MAP3K13: variants seen among roughly 807,000 people sequenced by gnomAD.
The protein encoded by MAP3K13 is mitogen-activated protein kinase kinase kinase 13.
A neutral mutation model predicts 104.0 loss-of-function variants in MAP3K13; 52 were observed. The observed-to-expected ratio is 0.50, with a 90% CI of 0.40 to 0.63. MAP3K13 has a LOEUF of 0.63. MAP3K13 is among the 20% of genes least tolerant of loss of function. The pLI, the probability that MAP3K13 is intolerant of heterozygous loss-of-function variation, is 0.00. For missense variants in MAP3K13, 914 were observed against 1,218.5 expected, an observed-to-expected ratio of 0.75 and a Z score of 3.72; for synonymous variants, 394 against 442.2, an observed-to-expected ratio of 0.89 and a Z score of 1.37.
intron 1 of MAP3K13, among the ~76,000 whole-genome samples, chr3:185,426,053 TCCTCTC>T (rs1029741032): frequency 8.0e-5 from 12 of 149,424 alleles, no homozygotes; most frequent in Admixed American, 4.7e-4. Flanking sequence ...AAGGATATTT[TCCTCTC>T]CCTCTCCCTC....
chr3:185,337,427 G>A lies in MAP3K13; in HGVS notation c.-86+51784G>A, dbSNP rs543277792. ...TAAAGGCAACACAAAGTAAACACAC[G>A]CTTTACGGTATTTTATGACACATCT... On this transcript the variant is annotated intron_variant, in intron 2 of 14. Transcript: ENST00000424227. Among the ~76,000 whole-genome samples, 30 of 152,340 alleles carry A rather than the reference G, an allele frequency of 2.0e-4. No individual in the cohort carries two copies. In the South Asian group the frequency reaches 2.3e-3, roughly 12 times the overall value.
chr3:185,288,780 T>C (rs1347521151), intron 2 of MAP3K13, among the ~76,000 whole-genome samples: 1 of 152,146 alleles, frequency 6.6e-6, no homozygotes, highest in Non-Finnish European at 1.5e-5. Context: ...ATTATTATGT[T>C]AACCATATCT....
chr3:185,367,931 C>T (rs1723966955), intron 1 of MAP3K13, among the ~76,000 whole-genome samples: 1 of 152,164 alleles, frequency 6.6e-6, no homozygotes, highest in Non-Finnish European at 1.5e-5. Flanking sequence ...CTTTTATATA[C>T]ATTATTTTAT....
intron 2 of MAP3K13, among the ~76,000 whole-genome samples, chr3:185,347,100 C>T (rs1577448663): frequency 6.6e-6 from 1 of 151,358 alleles, no homozygotes; most frequent in South Asian, 2.1e-4. Context: ...TATTCTCCTG[C>T]GTCAGCCTCC....
At chr3:185,342,374 G>A (rs1482224942) in intron 2 of MAP3K13, among the ~76,000 whole-genome samples, 2 of 152,170 alleles carry the variant, frequency 1.3e-5, no homozygotes, top group African/African-American at 4.8e-5. Flanking sequence ...TGCTCTGTCT[G>A]TCTTATCTAT....
In MAP3K13 at chr3:185,477,843, T is replaced by C. The variant is rs530357002; in HGVS notation, c.2501+447T>C. ...TCAAGGTTCTAGCTGACTCAGTTCC[T>C]GATGAGGGCTCTCCTACTGGCTTGC... On this transcript the variant is annotated intron_variant, in intron 12 of 13. Coordinates refer to ENST00000265026, the MANE Select transcript of MAP3K13 (RefSeq NM_004721.5). Among the ~76,000 whole-genome samples the C allele has an allele frequency of 1.8e-3, 275 of 152,338 alleles. 3 individuals carry two copies. The highest frequency in any genetic ancestry group is 6.8e-3 in the Middle Eastern group (2 of 294).
chr3:185,345,530 T>A (rs148747607), intron 2 of MAP3K13, among the ~76,000 whole-genome samples: 1 of 152,136 alleles, frequency 6.6e-6, no homozygotes, highest in African/African-American at 2.4e-5. Flanking sequence ...ATTCCCTGAG[T>A]TCCCCCTCCT....
chr3:185,349,010 C>T (rs961064860), intron 2 of MAP3K13, among the ~76,000 whole-genome samples: 7 of 152,040 alleles, frequency 4.6e-5, no homozygotes, highest in Admixed American at 1.3e-4. Context: ...GTACTCTGGC[C>T]GGTTGAAAGC....
At chr3:185,350,845 G>T (rs986735215) in intron 2 of MAP3K13, among the ~76,000 whole-genome samples, 1 of 152,100 alleles carries the variant, frequency 6.6e-6, no homozygotes, top group Non-Finnish European at 1.5e-5. Context: ...ACTACCATTC[G>T]ACATAGCAGT....
intron 1 of MAP3K13, among the ~76,000 whole-genome samples, chr3:185,415,001 GT>G (rs1347472312): frequency 6.6e-6 from 1 of 152,024 alleles, no homozygotes; most frequent in African/African-American, 2.4e-5. Flanking sequence ...GTGAGATCCT[GT>G]CACTACTCTT....
In MAP3K13 at chr3:185,484,583, G is replaced by T. The variant is rs1377945419; in HGVS notation, c.*2127G>T. On this transcript the variant is annotated 3_prime_UTR_variant, in exon 14 of 14. Transcript: ENST00000265026. ...AGGGAATTTAGAGTTCCTTTTGCTT[G>T]TTTGATCCATTTGTTTACACTTTAT... 6.6e-6 allele frequency: 1 copy of T among 152,168 alleles called. No individual in the cohort carries two copies. The highest frequency in any genetic ancestry group is 1.5e-5 in the Non-Finnish European group (1 of 68,032). 9.4% of individuals were successfully genotyped at this position (152,168 alleles called of 1,614,324 possible).
At chr3:185,456,746 C>G (rs936272782) in intron 7 of MAP3K13, among the ~76,000 whole-genome samples, 3 of 151,898 alleles carry the variant, frequency 2.0e-5, no homozygotes, top group African/African-American at 7.3e-5. Flanking sequence ...GGACTACAGG[C>G]GTGTGCCACC....
intron 1 of MAP3K13, among the ~76,000 whole-genome samples, chr3:185,377,119 A>G (rs965103868): frequency 1.3e-5 from 2 of 152,152 alleles, no homozygotes; most frequent in Admixed American, 6.5e-5. Flanking sequence ...AGGCAAGACA[A>G]TTTGGTTGAT....
At chr3:185,456,032 T>C (rs943474526) in intron 7 of MAP3K13, among the ~76,000 whole-genome samples, 4 of 150,204 alleles carry the variant, frequency 2.7e-5, no homozygotes, top group African/African-American at 9.8e-5. Flanking sequence ...AGATATATGT[T>C]TTTCTACCTG....
chr3:185,428,795 G>C lies in MAP3K13; in HGVS notation c.214G>C (p.Val72Leu). ...SPVTTTVLTS[V>L]SEDSRDQFEN... ...CGTCACCACAACAGTGTTGACGAGC[G>C]TAAGTGAGGATTCCAGGGACCAGTT... The change falls in exon 2 of 14, where the codon GTA becomes CTA. Residue 72 changes from valine to leucine, a missense_variant. By Grantham distance (32) the Val-to-Leu change is conservative. This residue lies in a region of MAP3K13 where 156 missense variants were observed against 159.8 expected (regional missense o/e 0.98). Coordinates refer to ENST00000265026, the MANE Select transcript of MAP3K13 (RefSeq NM_004721.5). The C allele has an allele frequency of 1.9e-6, 3 of 1,614,118 alleles. No individual in the cohort carries two copies. The highest frequency in any genetic ancestry group is 2.5e-6 in the Non-Finnish European group (3 of 1,180,016).
At chr3:185,437,026 AAAAAAAT>A (rs1307313394) in intron 2 of MAP3K13, among the ~76,000 whole-genome samples, 8 of 150,434 alleles carry the variant, frequency 5.3e-5, no homozygotes, top group African/African-American at 2.0e-4. Flanking sequence ...AAAAAAAAAA[AAAAAAAT>A]TAGCAAAGAT....
intron 2 of MAP3K13, among the ~76,000 whole-genome samples, chr3:185,326,475 A>G (rs1343855338): frequency 2.0e-5 from 3 of 152,164 alleles, no homozygotes; most frequent in East Asian, 1.9e-4. Context: ...CCGTCCTTAC[A>G]GTAGCAGCTG....
At chr3:185,438,318 A>AAAGC (rs1715154768) in intron 3 of MAP3K13, among the ~76,000 whole-genome samples, 1 of 151,386 alleles carries the variant, frequency 6.6e-6, no homozygotes, top group South Asian at 2.1e-4. Context: ...AAGAAGAAAG[A>AAAGC]AAGAAAGAAA....
intron 1 of MAP3K13, among the ~76,000 whole-genome samples, chr3:185,416,787 A>ATTT (rs63345160): frequency 4.4e-5 from 6 of 136,354 alleles, no homozygotes; most frequent in African/African-American, 8.1e-5. Context: ...ATGCCCAGCT[A>ATTT]TTTTTTTTTT....
Sources: gnomAD v4.1 joint callset for allele counts (sites outside exome capture counted in the v4.1 genomes callset) on GRCh38, gnomAD v4.1.1 for gene constraint, gnomAD v4.1.1 regional missense constraint, MANE v1.5 for transcripts, NCBI Gene and HGNC (gene_info 2026-07-23, HGNC 2026-07-21) for gene names.